The following EPB41L4A variants were observed in gnomAD, a reference collection of about 807,000 sequenced individuals.
EPB41L4A encodes the protein erythrocyte membrane protein band 4.1 like 4A.
In EPB41L4A, 100 loss-of-function variants were observed where a neutral mutation model predicts 108.6. The ratio of observed to expected loss-of-function variants is 0.92; its 90% CI spans 0.78 to 1.09. The LOEUF is 1.09. EPB41L4A is among the 50% of genes least tolerant of loss of function. The pLI is 0.00. For synonymous variants in EPB41L4A, 319 were observed against 289.0 expected (o/e 1.10, Z -1.05); for missense variants, 1,030 against 842.7 (o/e 1.22, Z -2.75).
intron 9 of EPB41L4A, among the ~76,000 whole-genome samples, chr5:112,251,502 A>T (rs1271583239): frequency 6.6e-6 from 1 of 152,206 alleles, no homozygotes; most frequent in Non-Finnish European, 1.5e-5. Flanking sequence ...AGATATTACT[A>T]AGTGGGGAAA....
chr5:112,169,297 G>A (rs757285442), intron 20 of EPB41L4A, among the ~76,000 whole-genome samples, 192 bp from the exon 21 acceptor site: 6 of 152,130 alleles, frequency 3.9e-5, no homozygotes, highest in Non-Finnish European at 8.8e-5. Context: ...ATGTGAAAAT[G>A]AAGCTCTTTA....
intron 1 of EPB41L4A, among the ~76,000 whole-genome samples, chr5:112,396,723 G>A (rs1761377290): frequency 1.3e-5 from 2 of 149,200 alleles, no homozygotes; most frequent in Non-Finnish European, 2.9e-5. Context: ...AAGGTGATGA[G>A]AGAGAGAGAG....
intron 12 of EPB41L4A, among the ~76,000 whole-genome samples, chr5:112,152,769 T>C (rs996805691): frequency 3.9e-5 from 6 of 152,004 alleles, no homozygotes; most frequent in Non-Finnish European, 7.4e-5. Flanking sequence ...AGCACACTAA[T>C]ACACACCAAT....
At chr5:112,305,173 A>T (rs1460215238) in intron 2 of EPB41L4A, among the ~76,000 whole-genome samples, 3 of 152,198 alleles carry the variant, frequency 2.0e-5, no homozygotes, top group Non-Finnish European at 4.4e-5. Flanking sequence ...AACTTGGGAA[A>T]GATGCTTAAC....
chr5:112,198,532 C>T (rs1024235027), intron 15 of EPB41L4A, among the ~76,000 whole-genome samples: 6 of 152,174 alleles, frequency 3.9e-5, no homozygotes, highest in African/African-American at 1.2e-4. Context: ...AATGTCACAT[C>T]CTTCAGTTCC....
rs34481169 is a variant in EPB41L4A, at chr5:112,264,530, GA to G, written c.554+365del. ...TTAATTTCACAAGATACTGGTGACT[GA>G]AAAAAAAAAAGACTGCAAAATCTAG... On this transcript the variant is annotated intron_variant, in intron 6 of 22. Coordinates refer to ENST00000261486, the MANE Select transcript of EPB41L4A (RefSeq NM_022140.5). 2.1e-3 allele frequency: 295 copies of G among 142,868 alleles called. 1 individual carries two copies. The highest frequency in any genetic ancestry group is 6.9e-3 in the Middle Eastern group (2 of 290). The allele number at this position is 142,868 out of a possible 1,614,324, so 8.9% of individuals were successfully genotyped here. A position where few individuals can be genotyped will look rare whatever the true frequency, so the allele number is the denominator to read the frequency against.
At chr5:112,162,526 A>T (rs1235937844), downstream of EPB41L4A, 1 of 152,218 alleles carries the variant, frequency 6.6e-6, no homozygotes, top group Non-Finnish European at 1.5e-5. Context: ...GGTGTGCTTT[A>T]CTGCACTCAA....
chr5:112,358,458 G>T (rs1032277466), intron 1 of EPB41L4A, among the ~76,000 whole-genome samples: 3 of 152,112 alleles, frequency 2.0e-5, no homozygotes, highest in Non-Finnish European at 4.4e-5. Flanking sequence ...ATCCTGATAC[G>T]TACCCATGGT....
intron 12 of EPB41L4A, among the ~76,000 whole-genome samples, chr5:112,154,294 G>A (rs1161342804): frequency 6.6e-6 from 1 of 152,052 alleles, no homozygotes; most frequent in East Asian, 1.9e-4. Context: ...ACGCACTCAG[G>A]GCTTTACGAT....
chr5:112,396,007 C>T (rs1483727260), intron 1 of EPB41L4A, among the ~76,000 whole-genome samples: 3 of 152,090 alleles, frequency 2.0e-5, no homozygotes, highest in Non-Finnish European at 4.4e-5. Context: ...GGACAGAAAA[C>T]CAAACACCAC....
At chr5:112,259,191 C>G in intron 9 of EPB41L4A, 38 bp downstream of exon 9, 1 of 1,458,038 alleles carries the variant, frequency 6.9e-7, no homozygotes, top group Non-Finnish European at 9.6e-7. Context: ...ACACAAGACA[C>G]CCCTCTTCTA....
intron 9 of EPB41L4A, among the ~76,000 whole-genome samples, chr5:112,241,140 C>T (rs4602685): frequency 0.3 from 46,137 of 151,898 alleles, 7,718 homozygotes; most frequent in Non-Finnish European, 0.38. Flanking sequence ...AAGCACGGAC[C>T]ATGTGAAAAT....
At chr5:112,391,405 G>C (rs1235648890) in intron 1 of EPB41L4A, among the ~76,000 whole-genome samples, 2 of 84,536 alleles carry the variant, frequency 2.4e-5, no homozygotes, top group East Asian at 2.1e-4. Flanking sequence ...GAGCTGAAAA[G>C]GCCATGGCAC....
At chr5:112,345,200 C>T (rs12519600) in intron 1 of EPB41L4A, among the ~76,000 whole-genome samples, 100,895 of 152,040 alleles carry the variant, frequency 0.66, 33,770 homozygotes, top group South Asian at 0.82. Context: ...CATAGATTCT[C>T]GAATTAAAAC....
chr5:112,186,832 A>C (rs1177653906), intron 17 of EPB41L4A, among the ~76,000 whole-genome samples: 1 of 152,242 alleles, frequency 6.6e-6, no homozygotes, highest in East Asian at 1.9e-4. Context: ...GCTACTTGGA[A>C]AGAAAAAAAT....
chr5:112,231,327 A>G (rs1374113926), intron 12 of EPB41L4A, among the ~76,000 whole-genome samples: 2 of 152,218 alleles, frequency 1.3e-5, no homozygotes, highest in Non-Finnish European at 2.9e-5. Context: ...AAGATATACA[A>G]TTGACCAAAA....
intron 9 of EPB41L4A, chr5:112,249,667 T>A (rs1580527445): frequency 6.6e-6 from 1 of 152,156 alleles, no homozygotes; most frequent in East Asian, 1.9e-4. Flanking sequence ...AATTTTGTCA[T>A]TACTTGGAAA....
chr5:112,364,510 T>A (rs562645004), intron 1 of EPB41L4A, among the ~76,000 whole-genome samples: 170 of 152,188 alleles, frequency 1.1e-3, no homozygotes, highest in Non-Finnish European at 1.9e-3. Context: ...CATGAGCACA[T>A]TTTCACTGGA....
At chr5:112,308,803 C>T (rs984090310) in intron 1 of EPB41L4A, among the ~76,000 whole-genome samples, 8 of 152,098 alleles carry the variant, frequency 5.3e-5, no homozygotes, top group African/African-American at 1.9e-4. Context: ...GCCAAAAAGA[C>T]CATTACAATT....
Sources: allele counts gnomAD v4.1 joint callset (sites outside exome capture counted in the v4.1 genomes callset), GRCh38; gene constraint gnomAD v4.1.1; transcripts MANE v1.5; gene names NCBI Gene and HGNC (gene_info 2026-07-23, HGNC 2026-07-21).